RUFY3: variants seen among roughly 807,000 people sequenced by gnomAD.
The protein encoded by RUFY3 is RUN and FYVE domain containing 3, also known as protein RUFY3.
In RUFY3, 34 loss-of-function variants were observed where a neutral mutation model predicts 84.0. That is an observed-to-expected ratio of 0.40 (90% CI 0.31 to 0.54). RUFY3 has a LOEUF of 0.54. RUFY3 is among the 20% of genes least tolerant of loss of function. The pLI is 0.39. For missense variants in RUFY3, 507 were observed against 736.8 expected (o/e 0.69, Z 3.61); for synonymous variants, 242 against 252.9 (o/e 0.96, Z 0.41).
intron 1 of RUFY3, among the ~76,000 whole-genome samples, chr4:70,732,710 G>A (rs1719482084): frequency 6.7e-6 from 1 of 150,280 alleles, no homozygotes; most frequent in South Asian, 2.1e-4. Flanking sequence ...CAAACAATGA[G>A]AACACATGGA....
At chr4:70,799,738 T>G (rs560237232) in intron 14 of RUFY3, 1 of 160,490 alleles carries the variant, frequency 6.2e-6, no homozygotes, top group South Asian at 1.9e-4. Flanking sequence ...TCAACTTGAT[T>G]GAACGTCCAG....
At chr4:70,803,909 A>G (rs569952765) in intron 16 of RUFY3, among the ~76,000 whole-genome samples, 5 of 142,238 alleles carry the variant, frequency 3.5e-5, no homozygotes, top group African/African-American at 8.0e-5. Flanking sequence ...TAATATATAT[A>G]TTTTTGGTAG....
intron 6 of RUFY3, 108 bp from the exon 7 acceptor site, chr4:70,775,060 C>A (rs1485890489): frequency 5.8e-6 from 4 of 689,510 alleles, no homozygotes; most frequent in Non-Finnish European, 9.8e-6. Context: ...TGTATCTGTG[C>A]CACAATTTTT....
chr4:70,782,287 A>C (rs894494378), intron 8 of RUFY3, among the ~76,000 whole-genome samples: 1 of 146,346 alleles, frequency 6.8e-6, no homozygotes, highest in Admixed American at 6.8e-5. Flanking sequence ...GTGATATTTT[A>C]TTTCTTTTTT....
At chr4:70,760,413 G>A (rs1317479923) in intron 1 of RUFY3, among the ~76,000 whole-genome samples, 1 of 152,086 alleles carries the variant, frequency 6.6e-6, no homozygotes, top group Non-Finnish European at 1.5e-5. Context: ...ATGGTCTACA[G>A]GCTTGAGGCA....
intron 3 of RUFY3, 89 bp downstream of exon 3, chr4:70,763,758 A>G: frequency 6.8e-7 from 1 of 1,470,370 alleles, no homozygotes; most frequent in Non-Finnish European, 9.2e-7. Flanking sequence ...TTATGTACGA[A>G]TAATTTATTT....
upstream of RUFY3, chr4:70,721,877 C>T: frequency 1.6e-6 from 2 of 1,230,468 alleles, no homozygotes; most frequent in Non-Finnish European, 2.0e-6. Flanking sequence ...ATTGCTCTCC[C>T]AGCATCAGCA....
chr4:70,740,335 T>C (rs141464665), intron 1 of RUFY3, among the ~76,000 whole-genome samples: 1,675 of 152,292 alleles, frequency 0.011, 26 homozygotes, highest in African/African-American at 0.038. Flanking sequence ...ACAGAAAATA[T>C]GTCTGTTTGT....
At chr4:70,707,381 C>T (rs566564039) in intron 1 of RUFY3, among the ~76,000 whole-genome samples, 1 of 152,302 alleles carries the variant, frequency 6.6e-6, no homozygotes, top group African/African-American at 2.4e-5. Flanking sequence ...GCCTCAGCCT[C>T]CTGAGTAGCT....
chr4:70,709,834 C>T (rs768747186), intron 1 of RUFY3, among the ~76,000 whole-genome samples: 4 of 152,226 alleles, frequency 2.6e-5, no homozygotes, highest in Non-Finnish European at 5.9e-5. Flanking sequence ...AGCCCACATC[C>T]TTGCCCTTGT....
At chr4:70,792,996 C>T (rs921664910) in intron 12 of RUFY3, 2 of 985,246 alleles carry the variant, frequency 2.0e-6, no homozygotes, top group African/African-American at 3.5e-5. Context: ...AAAACCTACA[C>T]ATAGCATGCG....
intron 1 of RUFY3, among the ~76,000 whole-genome samples, chr4:70,742,257 G>T (rs1028952102): frequency 1.3e-5 from 2 of 152,190 alleles, no homozygotes; most frequent in African/African-American, 4.8e-5. Flanking sequence ...AAACCAATCA[G>T]TGTTTCTTCT....
intron 17 of RUFY3, among the ~76,000 whole-genome samples, chr4:70,806,067 T>G (rs1732804338): frequency 1.3e-5 from 2 of 152,212 alleles, no homozygotes; most frequent in African/African-American, 4.8e-5. Context: ...CAGGAAAGCA[T>G]AAAGCACATC....
In RUFY3 at chr4:70,789,544, A is replaced by T; in HGVS notation, c.1289A>T (p.Glu430Val). ...KQKSELNSRL[E>V]EKTNQMAATI... ...AAAAGTGAACTAAACAGTCGCTTGGAAGAGAAGACTAATCAGATGGCTGCT... is the reference window on the plus strand; with the variant it reads ...AAAAGTGAACTAAACAGTCGCTTGGTAGAGAAGACTAATCAGATGGCTGCT... The change falls in exon 12 of 18, where the codon GAA becomes GTA. Residue 430 changes from glutamate to valine, a missense_variant. Glu to Val is a moderately radical substitution (Grantham distance 121). Around this residue, in one of 4 missense-constraint regions of RUFY3, gnomAD observed 334 missense variants for 364.1 expected, o/e 0.92. Coordinates refer to ENST00000381006, the MANE Select transcript of RUFY3 (RefSeq NM_001037442.4). 1 of 1,613,118 alleles carries T rather than the reference A, an allele frequency of 6.2e-7. No homozygotes were observed. The highest frequency in any genetic ancestry group is 8.5e-7 in the Non-Finnish European group (1 of 1,179,388).
chr4:70,776,641 T>G (rs1280267274), intron 7 of RUFY3, among the ~76,000 whole-genome samples: 3 of 152,080 alleles, frequency 2.0e-5, no homozygotes, highest in Admixed American at 1.3e-4. Context: ...CCGGGCGTGG[T>G]ACCAGGCGCC....
chr4:70,773,324 T>C (rs1022592598), intron 5 of RUFY3, among the ~76,000 whole-genome samples, 187 bp from the exon 6 acceptor site: 17 of 152,240 alleles, frequency 1.1e-4, no homozygotes, highest in Non-Finnish European at 1.0e-4. Context: ...GACATAATCT[T>C]GATTCTTTAC....
At chr4:70,774,884 G>T (rs959884365) in intron 6 of RUFY3, among the ~76,000 whole-genome samples, 2 of 151,576 alleles carry the variant, frequency 1.3e-5, no homozygotes, top group Admixed American at 1.3e-4. Flanking sequence ...CTTTAAATGC[G>T]TCTAATAGAT....
At chr4:70,769,653 C>T (rs77566941) in intron 5 of RUFY3, among the ~76,000 whole-genome samples, 2,302 of 152,294 alleles carry the variant, frequency 0.015, 32 homozygotes, top group Non-Finnish European at 0.023. Flanking sequence ...TAGCATACCA[C>T]GCTGTTTGAC....
At position 70,707,589 on chromosome 4, in the gene RUFY3, A is replaced by C. The variant is rs6831262; in HGVS notation, c.358+2295A>C. Reference sequence around the variant, plus strand: ...ACCACGTAAGTTCTAATATTTCCTCATGGTCTTTATTTTTGAAATAGTTTA... The same window carrying C: ...ACCACGTAAGTTCTAATATTTCCTCCTGGTCTTTATTTTTGAAATAGTTTA... On this transcript the variant is annotated intron_variant, in intron 1 of 11. Coordinates refer to the RUFY3 transcript ENST00000417478. Among the ~76,000 whole-genome samples, 1,384 of 152,002 alleles carry C rather than the reference A, an allele frequency of 9.1e-3. 26 individuals carry two copies. The highest frequency in any genetic ancestry group is 0.032 in the African/African-American group (1,319 of 41,480).
Sources: gnomAD v4.1 joint callset for allele counts (sites outside exome capture counted in the v4.1 genomes callset) on GRCh38, gnomAD v4.1.1 for gene constraint, gnomAD v4.1.1 regional missense constraint, MANE v1.5 for transcripts, NCBI Gene and HGNC (gene_info 2026-07-23, HGNC 2026-07-21) for gene names.